ADCY2: variants seen among roughly 807,000 people sequenced by gnomAD.
ADCY2 encodes the protein adenylate cyclase 2, also known as adenylate cyclase type 2.
A neutral mutation model predicts 125.2 loss-of-function variants in ADCY2; 31 were observed. That is an observed-to-expected ratio of 0.25 (90% confidence interval 0.19 to 0.33). The LOEUF (loss-of-function observed/expected upper bound fraction) is 0.33, where lower values mean the gene tolerates loss of function less well. Among genes scored for constraint, ADCY2 ranks in the 10% least tolerant of loss-of-function variants. The pLI is 1.00. For synonymous variants in ADCY2, 512 were observed against 548.4 expected, an observed-to-expected ratio of 0.93 and a Z score of 0.93; for missense variants, 904 against 1,418.2, an observed-to-expected ratio of 0.64 and a Z score of 5.82.
intron 4 of ADCY2, among the ~76,000 whole-genome samples, chr5:7,674,175 G>T (rs997915275): frequency 4.6e-5 from 7 of 152,182 alleles, no homozygotes; most frequent in Non-Finnish European, 8.8e-5. Flanking sequence ...TGTGGTGGTG[G>T]TCGTGGTGAG....
intron 4 of ADCY2, among the ~76,000 whole-genome samples, chr5:7,638,569 A>G (rs1259970305): frequency 1.3e-5 from 2 of 152,196 alleles, no homozygotes; most frequent in Non-Finnish European, 2.9e-5. Flanking sequence ...ACACACTCCC[A>G]GCATGAGGCC....
chr5:7,732,094 G>A (rs1478828973), intron 14 of ADCY2, among the ~76,000 whole-genome samples: 2 of 152,160 alleles, frequency 1.3e-5, no homozygotes, highest in Admixed American at 6.5e-5. Flanking sequence ...AGATTTCAGT[G>A]TATCTTTGCC....
At chr5:7,544,300 T>C (rs1215215577) in intron 3 of ADCY2, among the ~76,000 whole-genome samples, 1 of 152,196 alleles carries the variant, frequency 6.6e-6, no homozygotes, top group African/African-American at 2.4e-5. Flanking sequence ...TTTTACAGTG[T>C]TGGACGCCAG....
intron 7 of ADCY2, among the ~76,000 whole-genome samples, chr5:7,702,498 G>A (rs1482527040): frequency 9.9e-5 from 15 of 151,846 alleles, no homozygotes; most frequent in Admixed American, 9.2e-4. Context: ...TTGTCCTTGC[G>A]ATAGTTTGCT....
intron 3 of ADCY2, among the ~76,000 whole-genome samples, chr5:7,622,746 T>C (rs757157287): frequency 6.6e-6 from 1 of 152,194 alleles, no homozygotes; most frequent in Non-Finnish European, 1.5e-5. Context: ...TGTTGTCAAA[T>C]GTTTGGAAAC....
At chr5:7,632,765 A>G (rs1370108374) in intron 4 of ADCY2, among the ~76,000 whole-genome samples, 1 of 152,186 alleles carries the variant, frequency 6.6e-6, no homozygotes, top group Non-Finnish European at 1.5e-5. Flanking sequence ...CCAGGACAAG[A>G]TGTTTCAGGA....
intron 3 of ADCY2, among the ~76,000 whole-genome samples, chr5:7,596,027 G>T (rs1038984008): frequency 9.9e-5 from 15 of 151,060 alleles, no homozygotes; most frequent in African/African-American, 3.6e-4. Context: ...GGTGATGCTA[G>T]TTTAATATAA....
chr5:7,581,801 C>G lies in ADCY2; in HGVS notation c.571-44366C>G, dbSNP rs184271245. On this transcript the variant is annotated intron_variant, in intron 3 of 24. Coordinates refer to ENST00000338316, the MANE Select transcript of ADCY2 (RefSeq NM_020546.3). Reference sequence around the variant, plus strand: ...GTGCCACTGCACTCCAGGCTGGCGACAGAGCAAGACTCAGTCTCAAAAAAA... The same window carrying G: ...GTGCCACTGCACTCCAGGCTGGCGAGAGAGCAAGACTCAGTCTCAAAAAAA... 2.4e-5 allele frequency among the ~76,000 whole-genome samples: 3 copies of G among 125,170 alleles called. No individual in the cohort carries two copies. The East Asian group carries it at 6.7e-4, about 28-fold the overall frequency. The allele number at this position is 125,170 out of a possible 152,430, so 82.1% of individuals were successfully genotyped here. A position where few individuals can be genotyped will look rare whatever the true frequency, so the allele number is the denominator to read the frequency against.
intron 15 of ADCY2, among the ~76,000 whole-genome samples, chr5:7,756,557 G>A (rs1742996908): frequency 6.6e-6 from 1 of 152,148 alleles, no homozygotes; most frequent in African/African-American, 2.4e-5. Flanking sequence ...GTGACATTAT[G>A]CTGAAAGAAA....
At chr5:7,626,371 C>G (rs1738128585) in intron 4 of ADCY2, 55 bp downstream of exon 4, 1 of 1,566,090 alleles carries the variant, frequency 6.4e-7, no homozygotes, top group Non-Finnish European at 8.7e-7. Flanking sequence ...TAAAATGATG[C>G]TGTTACTATT....
intron 1 of ADCY2, among the ~76,000 whole-genome samples, chr5:7,404,826 C>T (rs942475293): frequency 4.6e-5 from 7 of 152,268 alleles, no homozygotes; most frequent in African/African-American, 1.7e-4. Context: ...AAGGCTGGGG[C>T]TTGCCTCCGT....
intron 3 of ADCY2, among the ~76,000 whole-genome samples, chr5:7,556,137 T>C (rs1735500064): frequency 6.6e-6 from 1 of 152,180 alleles, no homozygotes; most frequent in Admixed American, 6.5e-5. Flanking sequence ...CCAATAGCTA[T>C]GGATTTAGGT....
intron 2 of ADCY2, among the ~76,000 whole-genome samples, chr5:7,482,328 T>C (rs1282183666): frequency 6.6e-6 from 1 of 152,208 alleles, no homozygotes; most frequent in Non-Finnish European, 1.5e-5. Context: ...TTTTGTATTC[T>C]GGATATTAGT....
At chr5:7,663,354 G>A (rs1264914024) in intron 4 of ADCY2, among the ~76,000 whole-genome samples, 2 of 152,226 alleles carry the variant, frequency 1.3e-5, no homozygotes, top group Admixed American at 6.5e-5. Context: ...CCCTATTCAC[G>A]CCTAGCGTGA....
chr5:7,787,183 G>A (rs951946117), intron 19 of ADCY2, among the ~76,000 whole-genome samples: 6 of 152,190 alleles, frequency 3.9e-5, no homozygotes, highest in East Asian at 1.9e-4. Context: ...AAGCCTGCGT[G>A]TCTCTCCCTG....
At chr5:7,406,653 G>A (rs1282264921) in intron 1 of ADCY2, among the ~76,000 whole-genome samples, 1 of 152,036 alleles carries the variant, frequency 6.6e-6, no homozygotes, top group Non-Finnish European at 1.5e-5. Context: ...AGCTACATTT[G>A]AACTGAATAT....
chr5:7,693,363 G>A (rs544255949), intron 5 of ADCY2, among the ~76,000 whole-genome samples: 155 of 149,630 alleles, frequency 1.0e-3, no homozygotes, highest in African/African-American at 3.4e-3. Flanking sequence ...TTTCTCTACC[G>A]TAATGCTTTG....
intron 11 of ADCY2, among the ~76,000 whole-genome samples, chr5:7,716,601 G>T (rs538708768): frequency 6.6e-6 from 1 of 152,336 alleles, no homozygotes; most frequent in Admixed American, 6.5e-5. Flanking sequence ...GTGGCTGGAT[G>T]TTAATAGAGA....
At chr5:7,809,537 A>G (rs1744866446) in intron 22 of ADCY2, among the ~76,000 whole-genome samples, 1 of 152,232 alleles carries the variant, frequency 6.6e-6, no homozygotes, top group Non-Finnish European at 1.5e-5. Flanking sequence ...CCAAATCTTT[A>G]GTCTGGCAAC....
Sources: allele counts gnomAD v4.1 joint callset (sites outside exome capture counted in the v4.1 genomes callset), GRCh38; gene constraint gnomAD v4.1.1; transcripts MANE v1.5; gene names NCBI Gene and HGNC (gene_info 2026-07-23, HGNC 2026-07-21).